The following LOC400499 variants were observed in gnomAD, a reference collection of about 807,000 sequenced individuals.
the LOC400499 span, among the ~76,000 whole-genome samples, chr16:11,397,599 C>T: frequency 6.6e-6 from 1 of 151,986 alleles, no homozygotes; most frequent in African/African-American, 2.4e-5. Flanking sequence ...GGAATACAGC[C>T]GTAAGGATTC....
chr16:11,519,992 C>A, the LOC400499 span, among the ~76,000 whole-genome samples: 1 of 152,058 alleles, frequency 6.6e-6, no homozygotes, highest in South Asian at 2.1e-4. Context: ...CATGAGCCAC[C>A]GCGCCCGGCC....
the LOC400499 span, among the ~76,000 whole-genome samples, chr16:11,426,036 C>T: frequency 1.1e-4 from 16 of 152,210 alleles, no homozygotes; most frequent in East Asian, 9.6e-4. Context: ...GGTTTCATAC[C>T]GAAGTCCAAT....
At chr16:11,436,374 C>A in the LOC400499 span, among the ~76,000 whole-genome samples, 1 of 152,020 alleles carries the variant, frequency 6.6e-6, no homozygotes, top group Non-Finnish European at 1.5e-5. Flanking sequence ...CTGGGGTGAA[C>A]ATGTAGCTAG....
the LOC400499 span, chr16:11,448,033 C>G: frequency 6.5e-7 from 1 of 1,536,036 alleles, no homozygotes; most frequent in Non-Finnish European, 8.7e-7. Flanking sequence ...GCCCTGGGCA[C>G]CAATCCGCAC....
the LOC400499 span, chr16:11,462,265 A>C: frequency 6.6e-7 from 1 of 1,519,150 alleles, no homozygotes; most frequent in East Asian, 2.5e-5. Context: ...GGAACCGCTC[A>C]GCCTCGCCAC....
chr16:11,448,778 A>C, the LOC400499 span: 3 of 508,914 alleles, frequency 5.9e-6, no homozygotes, highest in Non-Finnish European at 9.9e-6. Flanking sequence ...GAGAAAGAGA[A>C]ATAGAGGCTC....
the LOC400499 span, chr16:11,393,372 G>A: frequency 8.1e-7 from 1 of 1,232,126 alleles, no homozygotes; most frequent in Non-Finnish European, 1.0e-6. Context: ...AGCTGAGCTG[G>A]GACCCAGCTG....
At chr16:11,527,400 G>T in the LOC400499 span, among the ~76,000 whole-genome samples, 3 of 152,190 alleles carry the variant, frequency 2.0e-5, no homozygotes, top group Admixed American at 6.5e-5. Flanking sequence ...AGGGGAGGGG[G>T]CTCCTGACCA....
chr16:11,399,425 G>A, the LOC400499 span: 1 of 432,434 alleles, frequency 2.3e-6, no homozygotes, highest in Non-Finnish European at 3.9e-6. Flanking sequence ...GTGGCAGGTG[G>A]AGCCGCCTGG....
the LOC400499 span, among the ~76,000 whole-genome samples, chr16:11,522,322 G>A: frequency 1.3e-5 from 2 of 152,184 alleles, no homozygotes; most frequent in Admixed American, 6.5e-5. Flanking sequence ...TGCTCAATAA[G>A]TACTAGCCAG....
the LOC400499 span, among the ~76,000 whole-genome samples, chr16:11,490,832 A>G: frequency 1.2e-4 from 19 of 152,382 alleles, no homozygotes; most frequent in Non-Finnish European, 2.2e-4. Context: ...ACACAGGAGA[A>G]CTGTTCACAG....
chr16:11,446,210 G>A, the LOC400499 span, among the ~76,000 whole-genome samples: 3 of 152,068 alleles, frequency 2.0e-5, no homozygotes, highest in East Asian at 1.9e-4. Context: ...ATGCAATGGT[G>A]CAACCATGGC....
the LOC400499 span, among the ~76,000 whole-genome samples, chr16:11,512,791 G>C: frequency 6.6e-6 from 1 of 152,122 alleles, no homozygotes; most frequent in Non-Finnish European, 1.5e-5. Flanking sequence ...ACACCACTGG[G>C]TCCTGGCAAG....
chr16:11,477,897 T>C, the LOC400499 span: 4 of 398,882 alleles, frequency 1.0e-5, no homozygotes, highest in African/African-American at 2.1e-5. Context: ...CGGATGCTGA[T>C]GGCAGCCGAG....
At chr16:11,479,353 C>G in the LOC400499 span, among the ~76,000 whole-genome samples, 1 of 152,032 alleles carries the variant, frequency 6.6e-6, no homozygotes, top group Non-Finnish European at 1.5e-5. Context: ...GTAGCTCATG[C>G]CTCTAGTCCC....
chr16:11,414,356 G>A, the LOC400499 span: 1 of 399,404 alleles, frequency 2.5e-6, no homozygotes, highest in Admixed American at 4.4e-5. Flanking sequence ...TTGGTGAAGG[G>A]CAGGCCCAGC....
At chr16:11,522,974 C>T in the LOC400499 span, among the ~76,000 whole-genome samples, 3 of 152,146 alleles carry the variant, frequency 2.0e-5, no homozygotes, top group Non-Finnish European at 4.4e-5. Context: ...AACATCTCAC[C>T]CCTCCCCATG....
chr16:11,391,624 T>A, the LOC400499 span: 3 of 1,231,288 alleles, frequency 2.4e-6, no homozygotes, highest in Non-Finnish European at 3.0e-6. Flanking sequence ...GGGGGGACAT[T>A]GATTTCCGCA....
At chr16:11,525,323 T>C in the LOC400499 span, among the ~76,000 whole-genome samples, 1 of 151,358 alleles carries the variant, frequency 6.6e-6, no homozygotes, top group East Asian at 1.9e-4. Flanking sequence ...AAACAAATCA[T>C]TTCCCCAAAA....
Sources: gnomAD v4.1 joint callset for allele counts (sites outside exome capture counted in the v4.1 genomes callset) on GRCh38, gnomAD v4.1.1 for gene constraint, MANE v1.5 for transcripts.